CDH13: variants seen among roughly 807,000 people sequenced by gnomAD.
CDH13 encodes the protein cadherin 13, also known as cadherin-13.
In CDH13, 24 loss-of-function variants were observed where a neutral mutation model predicts 63.8. That is an observed-to-expected ratio of 0.38 (90% CI 0.27 to 0.53). The LOEUF (loss-of-function observed/expected upper bound fraction) is 0.53. CDH13 is among the 20% of genes least tolerant of loss of function. The probability of loss-of-function intolerance (pLI) is 0.85; values close to 1 mark genes in which losing one functional copy is unlikely to be tolerated. For missense variants in CDH13, 1,049 were observed against 903.1 expected, an observed-to-expected ratio of 1.16 and a Z score of -2.07; for synonymous variants, 503 against 355.3, an observed-to-expected ratio of 1.42 and a Z score of -4.67.
chr16:82,636,991 T>C lies in CDH13; in HGVS notation c.45+9854T>C, dbSNP rs59590813. ...CCTTCAGCAAGCAGCTTGAATGTTT[T>C]CATCTGTAAAATGGACCAGGTTACT... On this transcript the variant is annotated intron_variant, in intron 1 of 13. Coordinates refer to ENST00000567109, the MANE Select transcript of CDH13 (RefSeq NM_001257.5). Among the ~76,000 whole-genome samples, 1,002 of 152,320 alleles carry C rather than the reference T, an allele frequency of 6.6e-3. 9 individuals carry two copies. Among genetic ancestry groups the C allele is most frequent in the African/African-American group, 0.023 (963 of 41,568 alleles).
intron 2 of CDH13, among the ~76,000 whole-genome samples, chr16:82,911,015 C>G (rs1192870282): frequency 1.3e-5 from 2 of 152,150 alleles, no homozygotes; most frequent in African/African-American, 4.8e-5. Flanking sequence ...GGTGTACACT[C>G]AGAACTCAGT....
intron 4 of CDH13, among the ~76,000 whole-genome samples, chr16:83,176,530 A>G (rs2038132923): frequency 6.6e-6 from 1 of 151,110 alleles, no homozygotes. Context: ...AAAAAAAAAA[A>G]AAAAGTCCTT....
chr16:82,957,972 C>G (rs1323654751), intron 2 of CDH13, among the ~76,000 whole-genome samples: 2 of 152,208 alleles, frequency 1.3e-5, no homozygotes, highest in African/African-American at 2.4e-5. Flanking sequence ...GACGCCTCTT[C>G]ACTTTCTTCT....
intron 4 of CDH13, among the ~76,000 whole-genome samples, chr16:83,133,578 A>C (rs113184287): frequency 0.023 from 3,509 of 152,258 alleles, 129 homozygotes; most frequent in African/African-American, 0.079. Flanking sequence ...TGCTCACTGC[A>C]ACCTCTGCCT....
At chr16:83,738,689 CA>C (rs895732230) in intron 10 of CDH13, among the ~76,000 whole-genome samples, 1 of 152,142 alleles carries the variant, frequency 6.6e-6, no homozygotes, top group African/African-American at 2.4e-5. Flanking sequence ...AGGTGGATCA[CA>C]AGGTCAGGAG....
At chr16:83,585,899 A>G (rs113832939) in intron 7 of CDH13, among the ~76,000 whole-genome samples, 2 of 152,090 alleles carry the variant, frequency 1.3e-5, no homozygotes, top group African/African-American at 4.8e-5. Context: ...AGCAGTTGAG[A>G]GTATAAGGTA....
At chr16:83,050,486 T>C (rs962439288) in intron 3 of CDH13, among the ~76,000 whole-genome samples, 27 of 152,238 alleles carry the variant, frequency 1.8e-4, no homozygotes, top group Admixed American at 1.2e-3. Context: ...CCACTCTTTC[T>C]GTATAGAAAC....
At chr16:83,307,259 G>A (rs1450044478) in intron 5 of CDH13, among the ~76,000 whole-genome samples, 2 of 152,122 alleles carry the variant, frequency 1.3e-5, no homozygotes, top group Admixed American at 1.3e-4. Context: ...TAGTTCCCTG[G>A]AAAGCACACA....
At chr16:82,841,684 CA>C (rs34609251) in intron 1 of CDH13, among the ~76,000 whole-genome samples, 27,156 of 151,952 alleles carry the variant, frequency 0.18, 2,779 homozygotes, top group South Asian at 0.24. Context: ...TCCCTTATTA[CA>C]AAATTTCACT....
intron 1 of CDH13, among the ~76,000 whole-genome samples, chr16:82,852,041 G>A (rs1013918752): frequency 2.0e-5 from 3 of 152,210 alleles, no homozygotes; most frequent in Admixed American, 1.3e-4. Flanking sequence ...AGACACTGGG[G>A]TGTTGGTTTG....
chr16:82,660,081 T>A (rs1199630679), intron 1 of CDH13, among the ~76,000 whole-genome samples: 1 of 152,174 alleles, frequency 6.6e-6, no homozygotes, highest in East Asian at 1.9e-4. Context: ...ACATAAATTT[T>A]AAAAAGCAGA....
chr16:82,820,851 A>C (rs573671218), intron 1 of CDH13, among the ~76,000 whole-genome samples: 9 of 152,328 alleles, frequency 5.9e-5, no homozygotes, highest in East Asian at 1.9e-4. Context: ...ATAACAACCA[A>C]CGTTTGACTG....
chr16:83,688,939 C>T (rs1258225365), intron 10 of CDH13, among the ~76,000 whole-genome samples: 1 of 152,098 alleles, frequency 6.6e-6, no homozygotes, highest in Non-Finnish European at 1.5e-5. Flanking sequence ...AAATAGAATC[C>T]TGGCTTTTAT....
At chr16:83,266,521 T>G (rs1029305721) in intron 5 of CDH13, among the ~76,000 whole-genome samples, 1 of 151,934 alleles carries the variant, frequency 6.6e-6, no homozygotes, top group African/African-American at 2.4e-5. Context: ...CCTCAGAAAG[T>G]CTTATCAGGA....
intron 1 of CDH13, among the ~76,000 whole-genome samples, chr16:82,759,570 TACATATGTATAC>T (rs1398702328): frequency 6.7e-6 from 1 of 150,234 alleles, no homozygotes; most frequent in Non-Finnish European, 1.5e-5. Context: ...GAATATAATA[TACATATGTATAC>T]ACATATATAA....
intron 7 of CDH13, among the ~76,000 whole-genome samples, chr16:83,566,348 G>A (rs1904280304): frequency 6.6e-6 from 1 of 152,150 alleles, no homozygotes; most frequent in Admixed American, 6.5e-5. Context: ...CATGGGGCAG[G>A]GGTGGCCTGC....
chr16:82,892,067 C>T (rs971006861), intron 2 of CDH13, among the ~76,000 whole-genome samples: 5 of 152,050 alleles, frequency 3.3e-5, no homozygotes, highest in South Asian at 2.1e-4. Context: ...AGGGAGGCAG[C>T]TCAACTGCCT....
Position 83,228,159 on chromosome 16 carries a change from C to T in CDH13, c.636+10662C>T, listed in dbSNP as rs1036964795. Among the ~76,000 whole-genome samples the T allele has an allele frequency of 5.3e-5, 8 of 152,296 alleles. No individual in the cohort carries two copies. In the East Asian group the frequency reaches 1.5e-3, roughly 30 times the overall value. On this transcript the variant is annotated intron_variant, in intron 5 of 13. Transcript: ENST00000567109. ...ATGTACCCCTGACAGCTTTTCTCAA[C>T]CATGGATGCTTCAGTCCCCTAGCAG...
At chr16:83,399,253 A>C (rs1047938838) in intron 6 of CDH13, among the ~76,000 whole-genome samples, 1 of 152,226 alleles carries the variant, frequency 6.6e-6, no homozygotes, top group African/African-American at 2.4e-5. Flanking sequence ...TTTTGTCCTA[A>C]TAATTAGCAG....
Sources: gnomAD v4.1 joint callset for allele counts (sites outside exome capture counted in the v4.1 genomes callset) on GRCh38, gnomAD v4.1.1 for gene constraint, MANE v1.5 for transcripts, NCBI Gene and HGNC (gene_info 2026-07-23, HGNC 2026-07-21) for gene names.